FLRT2: variants seen among roughly 807,000 people sequenced by gnomAD.
FLRT2 encodes leucine-rich repeat transmembrane protein FLRT2.
In FLRT2, 15 loss-of-function variants were observed where a neutral mutation model predicts 40.0. That is an observed-to-expected ratio of 0.38 (90% confidence interval 0.25 to 0.58). The LOEUF (loss-of-function observed/expected upper bound fraction) is 0.58, where lower values mean the gene tolerates loss of function less well. Among genes scored for constraint, FLRT2 ranks in the 20% least tolerant of loss-of-function variants. The pLI, the probability that FLRT2 is intolerant of heterozygous loss-of-function variation, is 0.71. For synonymous variants in FLRT2, 380 were observed against 336.8 expected (o/e 1.13, Z -1.41); for missense variants, 726 against 840.0 (o/e 0.86, Z 1.68).
intron 1 of FLRT2, among the ~76,000 whole-genome samples, chr14:85,568,642 G>C (rs1282081612): frequency 6.6e-6 from 1 of 151,984 alleles, no homozygotes; most frequent in African/African-American, 2.4e-5. Context: ...TTGTTTTCAT[G>C]AACTTCTTCA....
At chr14:85,576,325 C>T (rs1891125022) in intron 1 of FLRT2, among the ~76,000 whole-genome samples, 1 of 152,044 alleles carries the variant, frequency 6.6e-6, no homozygotes, top group Non-Finnish European at 1.5e-5. Flanking sequence ...TGGTTATCTT[C>T]TGATGCCTCA....
chr14:85,562,516 T>C (rs1890398922), intron 1 of FLRT2: 1 of 152,132 alleles, frequency 6.6e-6, no homozygotes, highest in Non-Finnish European at 1.5e-5. Flanking sequence ...GAACTCATTC[T>C]AAGGATCAGA....
rs540705018 is a variant in FLRT2 at position 85,652,530 on chromosome 14, C to T, written c.*29033C>T. 2 of 151,906 alleles carry T rather than the reference C, an allele frequency of 1.3e-5. No individual in the cohort carries two copies. Among genetic ancestry groups the T allele is most frequent in the Non-Finnish European group, 2.9e-5 (2 of 67,942 alleles). The allele number at this position is 151,906 out of a possible 1,614,324, so 9.4% of individuals were successfully genotyped here. On this transcript the variant is annotated 3_prime_UTR_variant, in exon 2 of 2. Coordinates refer to ENST00000330753, the MANE Select transcript of FLRT2 (RefSeq NM_013231.6). Reference sequence around the variant, plus strand: ...TCATCTGATTAAACAAACAAAAAACCCATCTTTATTTTTAGACTAAAAGCC... The same window carrying T: ...TCATCTGATTAAACAAACAAAAAACTCATCTTTATTTTTAGACTAAAAGCC...
Position 85,622,369 on chromosome 14 carries a change from C to T in FLRT2, c.855C>T (p.Asn285=), listed in dbSNP as rs757165198. Residue 285 remains asparagine, a synonymous_variant, in exon 2 of 2, where the codon AAC becomes AAT. Transcript: ENST00000330753. ...LRKLERLDIS[N]NQLRMLTQGV... ...AGCTGGAACGGCTGGATATATCCAA[C>T]AACCAACTGCGGATGCTGACTCAAG... 4.3e-6 allele frequency: 7 copies of T among 1,614,042 alleles called. No individual in the cohort carries two copies. The African/African-American group carries it at 5.3e-5, about 12-fold the overall frequency.
intron 1 of FLRT2, among the ~76,000 whole-genome samples, chr14:85,541,730 G>T (rs573978825): frequency 2.8e-4 from 43 of 152,124 alleles, no homozygotes; most frequent in Non-Finnish European, 5.7e-4. Context: ...TCAGTTTGGG[G>T]AATGAACTGG....
At chr14:85,561,457 C>T (rs952485946) in intron 1 of FLRT2, among the ~76,000 whole-genome samples, 1 of 152,196 alleles carries the variant, frequency 6.6e-6, no homozygotes, top group South Asian at 2.1e-4. Flanking sequence ...TAATTTTATT[C>T]TGCATTTCTT....
rs565531694 is a variant in FLRT2 at position 85,599,702 on chromosome 14, T to TC, written c.-376-21431dup. Among the ~76,000 whole-genome samples, 204 of 152,256 alleles carry TC rather than the reference T, an allele frequency of 1.3e-3. 1 individual carries two copies. Among genetic ancestry groups the TC allele is most frequent in the African/African-American group, 4.6e-3 (192 of 41,568 alleles). ...TTCTCCTTCTCTCTCTTTTCTTTCCTCCCCCCGTCTTTCCTTCTTTCCTCC... is the reference window on the plus strand; with the variant it reads ...TTCTCCTTCTCTCTCTTTTCTTTCCTCCCCCCCGTCTTTCCTTCTTTCCTCC... On this transcript the variant is annotated intron_variant, in intron 1 of 1. Transcript: ENST00000330753.
chr14:85,649,020 G>A lies in FLRT2; in HGVS notation c.*25523G>A, dbSNP rs1046709425. On this transcript the variant is annotated 3_prime_UTR_variant, in exon 2 of 2. Coordinates refer to ENST00000330753, the MANE Select transcript of FLRT2 (RefSeq NM_013231.6). ...CCCATGCAAAATATTTTGGCTACAG[G>A]GAGTGCTCCAATTTTGATACTCTCC... The A allele has an allele frequency of 1.3e-5, 2 of 151,914 alleles. No homozygotes were observed. The highest frequency in any genetic ancestry group is 4.8e-5 in the African/African-American group (2 of 41,382). 9.4% of individuals were successfully genotyped at this position (151,914 alleles called of 1,614,324 possible). A position where few individuals can be genotyped will look rare whatever the true frequency, so the allele number is the denominator to read the frequency against.
intron 1 of FLRT2, among the ~76,000 whole-genome samples, chr14:85,595,582 T>C (rs1340702387): frequency 1.3e-5 from 2 of 152,166 alleles, no homozygotes; most frequent in Admixed American, 6.5e-5. Flanking sequence ...TGAGAAATCA[T>C]GGATTCCTTT....
At position 85,645,255 on chromosome 14, in the gene FLRT2, T is replaced by TATATATGTATATAC. The variant is rs1053106031; in HGVS notation, c.*21769_*21770insTACATATATGTATA. 9 of 101,024 alleles carry TATATATGTATATAC rather than the reference T, an allele frequency of 8.9e-5. No homozygotes were observed. The highest frequency in any genetic ancestry group is 3.3e-4 in the South Asian group (1 of 3,060). 6.3% of individuals were successfully genotyped at this position (101,024 alleles called of 1,614,324 possible). ...GTATATACATATATGTATACATGTG[T>TATATATGTATATAC]ATATATGTATACATGTGTATATATG... On this transcript the variant is annotated 3_prime_UTR_variant, in exon 2 of 2. Coordinates refer to ENST00000330753, the MANE Select transcript of FLRT2 (RefSeq NM_013231.6).
intron 1 of FLRT2, among the ~76,000 whole-genome samples, chr14:85,541,928 C>T (rs921208025): frequency 1.3e-5 from 2 of 152,162 alleles, no homozygotes; most frequent in African/African-American, 4.8e-5. Context: ...TGGTTATGTC[C>T]TTGCCAAAGT....
chr14:85,596,981 T>G (rs544592107), intron 1 of FLRT2, among the ~76,000 whole-genome samples: 25 of 152,306 alleles, frequency 1.6e-4, no homozygotes, highest in African/African-American at 5.8e-4. Context: ...TTCTTTATTA[T>G]CTTTAGCTGT....
rs1232502017 is a variant in FLRT2 at position 85,647,918 on chromosome 14, C to CAT, written c.*24421_*24422insAT. On this transcript the variant is annotated 3_prime_UTR_variant, in exon 2 of 2. Coordinates refer to ENST00000330753, the MANE Select transcript of FLRT2 (RefSeq NM_013231.6). ...AAACAGTGTCATAAACAACTGTGAT[C>CAT]TTATGGCCAGTTGCAGAGTAAGAAA... 1.3e-5 allele frequency: 2 copies of CAT among 152,114 alleles called. No homozygotes were observed. Among genetic ancestry groups the CAT allele is most frequent in the Non-Finnish European group, 2.9e-5 (2 of 68,030 alleles). 9.4% of individuals were successfully genotyped at this position (152,114 alleles called of 1,614,324 possible).
chr14:85,610,908 T>G (rs561038219), intron 1 of FLRT2, among the ~76,000 whole-genome samples: 1 of 151,492 alleles, frequency 6.6e-6, no homozygotes, highest in Non-Finnish European at 1.5e-5. Flanking sequence ...TTAATGAATT[T>G]TTTTTGAGAC....
chr14:85,637,714 G>C lies in FLRT2; in HGVS notation c.*14217G>C, dbSNP rs1207967074. 1 of 152,118 alleles carries C rather than the reference G, an allele frequency of 6.6e-6. No individual in the cohort carries two copies. The highest frequency in any genetic ancestry group is 1.5e-5 in the Non-Finnish European group (1 of 68,022). The allele number at this position is 152,118 out of a possible 1,614,324, so 9.4% of individuals were successfully genotyped here. ...ACCCACCATTCCTGCCATATTCCTTGGGTAGGCTCATCTATCACTTGTCTT... is the reference window on the plus strand; with the variant it reads ...ACCCACCATTCCTGCCATATTCCTTCGGTAGGCTCATCTATCACTTGTCTT... On this transcript the variant is annotated 3_prime_UTR_variant, in exon 2 of 2. Coordinates refer to ENST00000330753, the MANE Select transcript of FLRT2 (RefSeq NM_013231.6).
At chr14:85,533,671 C>T (rs1250864215) in intron 1 of FLRT2, among the ~76,000 whole-genome samples, 1 of 152,098 alleles carries the variant, frequency 6.6e-6, no homozygotes, top group Non-Finnish European at 1.5e-5. Context: ...GAGAAAGTGG[C>T]ATGCCCGAAC....
chr14:85,602,092 G>GTA (rs1892401136), intron 1 of FLRT2, among the ~76,000 whole-genome samples: 2 of 152,060 alleles, frequency 1.3e-5, no homozygotes, highest in South Asian at 4.1e-4. Context: ...ATAATGAAGG[G>GTA]TAGTAAAGTG....
intron 1 of FLRT2, among the ~76,000 whole-genome samples, chr14:85,533,043 A>G (rs1436131220): frequency 6.6e-6 from 1 of 152,200 alleles, no homozygotes; most frequent in African/African-American, 2.4e-5. Flanking sequence ...CAGAGAGGAC[A>G]GGGTTAAAAG....
chr14:85,537,623 A>G (rs1448454246), intron 1 of FLRT2, among the ~76,000 whole-genome samples: 1 of 152,036 alleles, frequency 6.6e-6, no homozygotes, highest in African/African-American at 2.4e-5. Context: ...CACACAACAC[A>G]CACATACATC....
Sources: gnomAD v4.1 joint callset for allele counts (sites outside exome capture counted in the v4.1 genomes callset) on GRCh38, gnomAD v4.1.1 for gene constraint, MANE v1.5 for transcripts, NCBI Gene and HGNC (gene_info 2026-07-23, HGNC 2026-07-21) for gene names.